The following ADGRB3 variants were observed in gnomAD, a reference collection of about 807,000 sequenced individuals.
The protein encoded by ADGRB3 is adhesion G protein-coupled receptor B3, also known as brain-specific angiogenesis inhibitor 3.
In ADGRB3, 37 loss-of-function variants were observed where a neutral mutation model predicts 193.4. The observed-to-expected ratio is 0.19, with a 90% CI of 0.15 to 0.25. ADGRB3 has a LOEUF of 0.25. Among genes scored for constraint, ADGRB3 ranks in the 10% least tolerant of loss-of-function variants. The pLI is 1.00. For missense variants in ADGRB3, 1,637 were observed against 1,852.9 expected (o/e 0.88, Z 2.14); for synonymous variants, 690 against 644.2 (o/e 1.07, Z -1.08).
At position 68,808,673 on chromosome 6, in the gene ADGRB3, G is replaced by A. The variant is rs558889050; in HGVS notation, c.758-121886G>A. ...GAAATACTACACAAGATAACTCATA[G>A]CAAGTACATTCTGTATATATTCAAT... On this transcript the variant is annotated intron_variant, in intron 3 of 31. Coordinates refer to ENST00000370598, the MANE Select transcript of ADGRB3 (RefSeq NM_001704.3). Among the ~76,000 whole-genome samples, 3 of 152,066 alleles carry A rather than the reference G, an allele frequency of 2.0e-5. No homozygotes were observed. In the South Asian group the frequency reaches 6.2e-4, roughly 32 times the overall value.
At chr6:69,034,226 C>A (rs1215190254) in intron 13 of ADGRB3, among the ~76,000 whole-genome samples, 1 of 151,872 alleles carries the variant, frequency 6.6e-6, no homozygotes, top group Non-Finnish European at 1.5e-5. Flanking sequence ...TCTCTACTTT[C>A]TACATAGTCA....
chr6:69,276,368 G>A (rs1767303302), intron 20 of ADGRB3, among the ~76,000 whole-genome samples: 1 of 152,160 alleles, frequency 6.6e-6, no homozygotes, highest in Non-Finnish European at 1.5e-5. Flanking sequence ...CTGTGGTCAG[G>A]AGACATTCCA....
At chr6:69,004,740 T>G (rs574927053) in intron 11 of ADGRB3, among the ~76,000 whole-genome samples, 1 of 152,254 alleles carries the variant, frequency 6.6e-6, no homozygotes, top group Non-Finnish European at 1.5e-5. Flanking sequence ...TTAACAGCCC[T>G]ATGTCCAAAG....
intron 20 of ADGRB3, among the ~76,000 whole-genome samples, chr6:69,260,473 C>T (rs1248506916): frequency 6.6e-6 from 1 of 152,106 alleles, no homozygotes; most frequent in Non-Finnish European, 1.5e-5. Flanking sequence ...CTTCTAGACG[C>T]TATTTCAGAG....
chr6:69,296,390 G>A (rs1582613134), intron 20 of ADGRB3, among the ~76,000 whole-genome samples: 1 of 152,010 alleles, frequency 6.6e-6, no homozygotes. Context: ...TTTTATCTTT[G>A]CTTTCTTATC....
At chr6:69,183,758 A>G (rs1765001245) in intron 17 of ADGRB3, among the ~76,000 whole-genome samples, 1 of 152,140 alleles carries the variant, frequency 6.6e-6, no homozygotes, top group Non-Finnish European at 1.5e-5. Flanking sequence ...TTGATATCAG[A>G]CTTTCTAAAA....
intron 19 of ADGRB3, among the ~76,000 whole-genome samples, chr6:69,237,997 C>T (rs1263239310): frequency 1.3e-5 from 2 of 152,032 alleles, no homozygotes; most frequent in Non-Finnish European, 2.9e-5. Flanking sequence ...ATTACAAAAA[C>T]TCCTTTGTGT....
chr6:69,179,215 T>C (rs943433720), intron 17 of ADGRB3, among the ~76,000 whole-genome samples: 1 of 152,328 alleles, frequency 6.6e-6, no homozygotes, highest in East Asian at 1.9e-4. Context: ...TTTATCTGAC[T>C]GGTTTAGTTT....
intron 17 of ADGRB3, among the ~76,000 whole-genome samples, chr6:69,226,599 G>A (rs777361617): frequency 5.6e-4 from 85 of 152,314 alleles, no homozygotes; most frequent in African/African-American, 1.9e-3. Flanking sequence ...GAAAGTGCTT[G>A]TATTGTGTAT....
chr6:69,062,925 C>G lies in ADGRB3; in HGVS notation c.2334-9C>G, dbSNP rs2793459. On this transcript the variant is annotated splice_polypyrimidine_tract_variant and intron_variant, in intron 15 of 31. Transcript: ENST00000370598. ...ATTTCTCCTTTTAATTATAATTACT[C>G]TGTTGCAGAAATTATACTGTCATTA... The G allele has an allele frequency of 0.56, 882,566 of 1,578,562 alleles. 256,533 individuals carry two copies. Among genetic ancestry groups the G allele is most frequent in the East Asian group, 0.96 (42,744 of 44,590 alleles).
intron 3 of ADGRB3, among the ~76,000 whole-genome samples, chr6:68,731,770 A>C (rs1021302670): frequency 6.6e-6 from 1 of 151,692 alleles, no homozygotes; most frequent in African/African-American, 2.4e-5. Context: ...AGGATAAGAA[A>C]GAAATGATAT....
intron 17 of ADGRB3, among the ~76,000 whole-genome samples, chr6:69,145,356 C>T (rs558198899): frequency 2.6e-5 from 4 of 152,272 alleles, no homozygotes; most frequent in East Asian, 3.9e-4. Context: ...ACAGCTTCCA[C>T]AGCTGGCACT....
intron 11 of ADGRB3, among the ~76,000 whole-genome samples, chr6:69,012,222 TG>T (rs2150284542): frequency 6.6e-6 from 1 of 152,168 alleles, no homozygotes; most frequent in South Asian, 2.1e-4. Context: ...TGTTTTGTTT[TG>T]TTTTGTTTTC....
chr6:69,175,527 T>C (rs1297817268), intron 17 of ADGRB3, among the ~76,000 whole-genome samples: 1 of 152,228 alleles, frequency 6.6e-6, no homozygotes, highest in Non-Finnish European at 1.5e-5. Flanking sequence ...TGCCATGCTG[T>C]TTTGGTTACT....
intron 20 of ADGRB3, among the ~76,000 whole-genome samples, chr6:69,310,877 G>T (rs1246672746): frequency 1.3e-5 from 2 of 151,560 alleles, no homozygotes; most frequent in Non-Finnish European, 3.0e-5. Context: ...TTCCAAAAAT[G>T]TATTTATAGT....
At chr6:68,680,911 A>C (rs1764883302) in intron 3 of ADGRB3, among the ~76,000 whole-genome samples, 1 of 152,156 alleles carries the variant, frequency 6.6e-6, no homozygotes, top group Admixed American at 6.5e-5. Flanking sequence ...TCCATGTCTT[A>C]GTCTATTTTG....
intron 3 of ADGRB3, among the ~76,000 whole-genome samples, chr6:68,671,456 T>C (rs966497972): frequency 4.6e-5 from 7 of 152,064 alleles, no homozygotes; most frequent in Non-Finnish European, 8.8e-5. Flanking sequence ...TGAGGGTTTT[T>C]ATCATGAAGG....
chr6:68,648,883 C>T (rs1768280790), intron 3 of ADGRB3, among the ~76,000 whole-genome samples: 1 of 151,362 alleles, frequency 6.6e-6, no homozygotes, highest in Non-Finnish European at 1.5e-5. Context: ...TTACATATCA[C>T]CCTTAAGAAA....
intron 17 of ADGRB3, among the ~76,000 whole-genome samples, chr6:69,172,583 G>T (rs1000394367): frequency 7.5e-6 from 1 of 133,840 alleles, no homozygotes; most frequent in African/African-American, 2.8e-5. Context: ...GGCGGAGCTT[G>T]CAGTGAGTCG....
Sources: gnomAD v4.1 joint callset for allele counts (sites outside exome capture counted in the v4.1 genomes callset) on GRCh38, gnomAD v4.1.1 for gene constraint, MANE v1.5 for transcripts, NCBI Gene and HGNC (gene_info 2026-07-23, HGNC 2026-07-21) for gene names.